ADGRL2: variants seen among roughly 807,000 people sequenced by gnomAD.
ADGRL2 encodes the protein adhesion G protein-coupled receptor L2.
A neutral mutation model predicts 157.4 loss-of-function variants in ADGRL2; 44 were observed. That is an observed-to-expected ratio of 0.28 (90% CI 0.22 to 0.36). The LOEUF (loss-of-function observed/expected upper bound fraction) is 0.36. ADGRL2 is among the 10% of genes least tolerant of loss of function. The pLI, the probability that ADGRL2 is intolerant of heterozygous loss-of-function variation, is 1.00. For synonymous variants in ADGRL2, 585 were observed against 624.7 expected, an observed-to-expected ratio of 0.94 and a Z score of 0.95; for missense variants, 1,510 against 1,768.9, an observed-to-expected ratio of 0.85 and a Z score of 2.63.
chr1:81,922,946 A>C (rs1174966375), intron 3 of ADGRL2, among the ~76,000 whole-genome samples: 2 of 152,068 alleles, frequency 1.3e-5, no homozygotes, highest in Non-Finnish European at 2.9e-5. Flanking sequence ...CTATCTATGT[A>C]TCTGTCTGTC....
intron 1 of ADGRL2, among the ~76,000 whole-genome samples, chr1:81,833,585 C>T (rs1488463236): frequency 6.6e-6 from 1 of 152,020 alleles, no homozygotes; most frequent in Non-Finnish European, 1.5e-5. Flanking sequence ...TTAAATAAGC[C>T]TCATCACATA....
intron 1 of ADGRL2, among the ~76,000 whole-genome samples, chr1:81,823,617 G>C (rs966284729): frequency 1.3e-5 from 2 of 152,040 alleles, no homozygotes; most frequent in African/African-American, 4.8e-5. Flanking sequence ...TTGTGATAGG[G>C]ATGAGCACTC....
chr1:81,307,423 A>G (rs1444255713), intron 1 of ADGRL2, among the ~76,000 whole-genome samples: 1 of 152,206 alleles, frequency 6.6e-6, no homozygotes, highest in Non-Finnish European at 1.5e-5. Context: ...CTGAAATGTC[A>G]TAACATTATA....
At chr1:81,364,876 C>T (rs889921137) in intron 1 of ADGRL2, among the ~76,000 whole-genome samples, 5 of 151,964 alleles carry the variant, frequency 3.3e-5, no homozygotes, top group African/African-American at 9.7e-5. Flanking sequence ...GTTGGCCAGG[C>T]TGGTCTTGAA....
At chr1:81,580,001 T>C (rs1461282106) in intron 2 of ADGRL2, among the ~76,000 whole-genome samples, 1 of 152,214 alleles carries the variant, frequency 6.6e-6, no homozygotes, top group Non-Finnish European at 1.5e-5. Context: ...CTGCTTAAAA[T>C]ATTTTGTAAC....
intron 1 of ADGRL2, among the ~76,000 whole-genome samples, chr1:81,320,415 G>A (rs1053445333): frequency 6.6e-6 from 1 of 152,054 alleles, no homozygotes; most frequent in Non-Finnish European, 1.5e-5. Flanking sequence ...CTTGCCAAAA[G>A]GTTTTCAAAT....
intron 1 of ADGRL2, among the ~76,000 whole-genome samples, chr1:81,705,642 C>G (rs1053315589): frequency 6.6e-6 from 1 of 151,964 alleles, no homozygotes; most frequent in South Asian, 2.1e-4. Context: ...AAGGGCTGGG[C>G]GCAGTGGCTC....
intron 2 of ADGRL2, among the ~76,000 whole-genome samples, chr1:81,565,824 T>C (rs2080546700): frequency 6.6e-6 from 1 of 152,166 alleles, no homozygotes; most frequent in South Asian, 2.1e-4. Context: ...TGGTGAGATA[T>C]TTTCTGGGAA....
At chr1:81,869,799 TA>T (rs2093644873) in intron 2 of ADGRL2, among the ~76,000 whole-genome samples, 1 of 152,092 alleles carries the variant, frequency 6.6e-6, no homozygotes. Context: ...AAGTTTTTTT[TA>T]ATTAAAATTT....
At chr1:81,357,807 T>C (rs1419589561) in intron 1 of ADGRL2, among the ~76,000 whole-genome samples, 1 of 152,166 alleles carries the variant, frequency 6.6e-6, no homozygotes, top group African/African-American at 2.4e-5. Context: ...CTGGCTCTAA[T>C]GTGCATGCCA....
chr1:81,987,499 T>G, intron 22 of ADGRL2: 1 of 656,904 alleles, frequency 1.5e-6, no homozygotes, highest in South Asian at 1.8e-5. Context: ...TAGTGCAGCT[T>G]TATGGTAGTT....
At chr1:81,426,658 A>T in intron 1 of ADGRL2, 1 of 468,030 alleles carries the variant, frequency 2.1e-6, no homozygotes, top group South Asian at 1.6e-5. Context: ...TGGTAATGAG[A>T]CACCCCCAAA....
chr1:81,836,854 A>G (rs1163954666), intron 1 of ADGRL2, 31 bp from the exon 2 acceptor site: 3 of 572,680 alleles, frequency 5.2e-6, no homozygotes, highest in Non-Finnish European at 9.3e-6. Flanking sequence ...GAAAGACCAT[A>G]GAGTAAGTGA....
intron 2 of ADGRL2, chr1:81,502,016 G>C: frequency 6.2e-7 from 1 of 1,603,994 alleles, no homozygotes; most frequent in Non-Finnish European, 8.5e-7. Flanking sequence ...CGCAGCAGTG[G>C]CCCAAGTGTT....
intron 2 of ADGRL2, among the ~76,000 whole-genome samples, chr1:81,865,014 A>G (rs1057422324): frequency 6.6e-6 from 1 of 152,066 alleles, no homozygotes; most frequent in African/African-American, 2.4e-5. Context: ...AAAAAACAAA[A>G]AAAACCTTAC....
intron 2 of ADGRL2, among the ~76,000 whole-genome samples, chr1:81,895,157 G>A (rs926795317): frequency 8.5e-5 from 13 of 152,144 alleles, no homozygotes; most frequent in Non-Finnish European, 1.5e-4. Flanking sequence ...AGAGAAATGA[G>A]TGGGTGGTTT....
chr1:81,605,229 T>A (rs1339286182), intron 3 of ADGRL2, among the ~76,000 whole-genome samples: 1 of 152,108 alleles, frequency 6.6e-6, no homozygotes, highest in Non-Finnish European at 1.5e-5. Context: ...CCCTGGAGAT[T>A]CAGCCCTGCT....
chr1:81,785,286 A>G (rs2086991955), intron 2 of ADGRL2, among the ~76,000 whole-genome samples: 1 of 152,160 alleles, frequency 6.6e-6, no homozygotes, highest in Admixed American at 6.5e-5. Context: ...AAAGACGTAT[A>G]AAACTGTTAG....
Position 81,524,259 on chromosome 1 carries a change from G to A in ADGRL2, c.-247-56617G>A, listed in dbSNP as rs199779159. 1.8e-4 allele frequency among the ~76,000 whole-genome samples: 28 copies of A among 151,848 alleles called. No homozygotes were observed. In the East Asian group the frequency reaches 4.9e-3, roughly 26 times the overall value. ...CGGGCGCCTGTAGTCCCAGCTACTC[G>A]GGAGGCTGAGGCAGGAGAATGGCGT... On this transcript the variant is annotated intron_variant, in intron 2 of 24. Coordinates refer to the ADGRL2 transcript ENST00000370721.
Sources: gnomAD v4.1 joint callset for allele counts (sites outside exome capture counted in the v4.1 genomes callset) on GRCh38, gnomAD v4.1.1 for gene constraint, MANE v1.5 for transcripts, NCBI Gene and HGNC (gene_info 2026-07-23, HGNC 2026-07-21) for gene names.